The following CCDC192 variants were observed in gnomAD, a reference collection of about 807,000 sequenced individuals.
CCDC192 encodes the protein coiled-coil domain-containing protein 192.
At chr5:127,881,066 G>A (rs1004723377) in intron 6 of CCDC192, among the ~76,000 whole-genome samples, 1 of 152,124 alleles carries the variant, frequency 6.6e-6, no homozygotes, top group Admixed American at 6.6e-5. Flanking sequence ...TTTAAAAGTC[G>A]ATTCTTCTCA....
At chr5:127,737,071 C>G (rs1196026464) in intron 2 of CCDC192, among the ~76,000 whole-genome samples, 2 of 151,444 alleles carry the variant, frequency 1.3e-5, no homozygotes, top group Non-Finnish European at 2.9e-5. Flanking sequence ...GCATTTACTG[C>G]TATAAATTTC....
chr5:127,766,502 C>T (rs755440421), intron 3 of CCDC192, among the ~76,000 whole-genome samples: 3 of 150,988 alleles, frequency 2.0e-5, no homozygotes, highest in Admixed American at 1.3e-4. Flanking sequence ...AATTTCAGGC[C>T]ATGGGACTTC....
At chr5:127,750,838 T>C (rs1754112334) in intron 2 of CCDC192, among the ~76,000 whole-genome samples, 2 of 151,836 alleles carry the variant, frequency 1.3e-5, no homozygotes, top group Admixed American at 6.6e-5. Flanking sequence ...TTAGCTCTTC[T>C]TGTTGAATTC....
intron 6 of CCDC192, among the ~76,000 whole-genome samples, chr5:127,885,359 TG>T (rs1196417538): frequency 6.6e-6 from 1 of 152,192 alleles, no homozygotes; most frequent in Non-Finnish European, 1.5e-5. Flanking sequence ...AGAACAGTCT[TG>T]GGCACTCCTT....
intron 3 of CCDC192, among the ~76,000 whole-genome samples, chr5:127,791,354 A>G (rs972829860): frequency 5.9e-5 from 9 of 152,370 alleles, no homozygotes; most frequent in African/African-American, 1.9e-4. Flanking sequence ...AAGAAAGGGT[A>G]CTGATATATT....
intron 2 of CCDC192, among the ~76,000 whole-genome samples, chr5:127,734,058 C>T (rs1260182471): frequency 6.7e-6 from 1 of 148,174 alleles, no homozygotes; most frequent in Non-Finnish European, 1.5e-5. Context: ...GTATATCTCC[C>T]GATGCTATCC....
intron 2 of CCDC192, among the ~76,000 whole-genome samples, chr5:127,709,774 T>C (rs1442152192): frequency 6.6e-6 from 1 of 152,240 alleles, no homozygotes; most frequent in Non-Finnish European, 1.5e-5. Flanking sequence ...CTTCATTTAA[T>C]GGAGCTGTTT....
intron 2 of CCDC192, among the ~76,000 whole-genome samples, chr5:127,735,452 C>A (rs1752922329): frequency 7.1e-6 from 1 of 141,688 alleles, no homozygotes; most frequent in Non-Finnish European, 1.5e-5. Context: ...TAGTTTTTTC[C>A]AATTCTTTGA....
chr5:127,760,883 G>A lies in CCDC192; in HGVS notation c.222+6508G>A, dbSNP rs554596452. Among the ~76,000 whole-genome samples, 13 of 152,192 alleles carry A rather than the reference G, an allele frequency of 8.5e-5. No homozygotes were observed. In the South Asian group the frequency reaches 2.3e-3, roughly 27 times the overall value. On this transcript the variant is annotated intron_variant, in intron 3 of 6. Coordinates refer to ENST00000514853, the MANE Select transcript of CCDC192 (RefSeq NM_001317938.2). The stretch of plus-strand genomic sequence containing the variant: ...CCCCTCCTTGTTGGAGTCGTATGAT[G>A]AGACTCCTGGAATGTAAGAGGTGGG...
intron 6 of CCDC192, among the ~76,000 whole-genome samples, chr5:127,918,710 C>T (rs1030942493): frequency 6.6e-6 from 1 of 152,140 alleles, no homozygotes; most frequent in Non-Finnish European, 1.5e-5. Flanking sequence ...GAGGAGGGGG[C>T]AGTGAACAGC....
intron 5 of CCDC192, among the ~76,000 whole-genome samples, chr5:127,848,158 G>A (rs542189043): frequency 1.3e-5 from 2 of 152,120 alleles, no homozygotes; most frequent in South Asian, 4.2e-4. Context: ...CCTAAGCATG[G>A]TCCTGGTTCT....
intron 2 of CCDC192, among the ~76,000 whole-genome samples, chr5:127,729,457 T>C (rs1326591574): frequency 6.6e-6 from 1 of 151,868 alleles, no homozygotes; most frequent in Admixed American, 6.6e-5. Flanking sequence ...AGATCACAGA[T>C]CATAGTGACA....
At chr5:127,884,342 CAAAAAAAAAAAAAA>C (rs778430655) in intron 6 of CCDC192, among the ~76,000 whole-genome samples, 8 of 11,842 alleles carry the variant, frequency 6.8e-4, no homozygotes, top group Admixed American at 3.0e-3. Context: ...GACTCCGTCT[CAAAAAAAAAAAAAA>C]AAAAAAAAAA....
chr5:127,874,869 C>T (rs530215659), intron 5 of CCDC192, among the ~76,000 whole-genome samples: 4 of 152,286 alleles, frequency 2.6e-5, no homozygotes, highest in South Asian at 4.1e-4. Context: ...CATGAAGTCT[C>T]GAGGTGAATC....
At chr5:127,852,741 T>C (rs952984802) in intron 5 of CCDC192, among the ~76,000 whole-genome samples, 6 of 152,186 alleles carry the variant, frequency 3.9e-5, no homozygotes, top group African/African-American at 9.7e-5. Flanking sequence ...GCAACTATCA[T>C]CAGTTACCCA....
rs112887723 is a variant in CCDC192 at position 127,732,118 on chromosome 5, T to A, written c.115-22150T>A. Among the ~76,000 whole-genome samples, 959 of 151,464 alleles carry A rather than the reference T, an allele frequency of 6.3e-3. 5 individuals are homozygous for A. Among genetic ancestry groups the A allele is most frequent in the African/African-American group, 0.022 (902 of 41,134 alleles). ...CTATTCATCTGACAAAGGTCTAATA[T>A]CCAGGATCTACAAGGAACTTAAAGA... On this transcript the variant is annotated intron_variant, in intron 2 of 6. Coordinates refer to ENST00000514853, the MANE Select transcript of CCDC192 (RefSeq NM_001317938.2).
chr5:127,797,731 G>GTATATATATATA (rs146458343), intron 4 of CCDC192, among the ~76,000 whole-genome samples: 1 of 21,054 alleles, frequency 4.7e-5, no homozygotes, highest in Non-Finnish European at 8.8e-5. Context: ...TCATGTGAAG[G>GTATATATATATA]TATATATATA....
chr5:127,742,324 T>A (rs1207810768), intron 2 of CCDC192, among the ~76,000 whole-genome samples: 3 of 152,186 alleles, frequency 2.0e-5, no homozygotes, highest in African/African-American at 7.2e-5. Flanking sequence ...ACAATTTCTT[T>A]CCAATACCTT....
intron 6 of CCDC192, among the ~76,000 whole-genome samples, chr5:127,879,946 T>C (rs1752280006): frequency 6.6e-6 from 1 of 151,400 alleles, no homozygotes; most frequent in Non-Finnish European, 1.5e-5. Flanking sequence ...CAACAGGTGC[T>C]GGAGAGGATG....
Sources: allele counts gnomAD v4.1 joint callset (sites outside exome capture counted in the v4.1 genomes callset), GRCh38; gene constraint gnomAD v4.1.1; transcripts MANE v1.5; gene names NCBI Gene and HGNC (gene_info 2026-07-23, HGNC 2026-07-21).